BCL11B: variants seen among roughly 807,000 people sequenced by gnomAD.
The protein encoded by BCL11B is B-cell lymphoma/leukemia 11B.
BCL11B carries 8 observed loss-of-function variants against 49.9 expected under a neutral mutation model. The observed-to-expected ratio is 0.16, with a 90% CI of 0.09 to 0.29. BCL11B has a LOEUF of 0.29. Ranked by LOEUF, BCL11B falls within the 10% of genes least tolerant of loss-of-function variation. The pLI, the probability that BCL11B is intolerant of heterozygous loss-of-function variation, is 1.00. For missense variants in BCL11B, 1,006 were observed against 1,351.0 expected (o/e 0.74, Z 4.00); for synonymous variants, 739 against 637.4 (o/e 1.16, Z -2.40).
intron 1 of BCL11B, among the ~76,000 whole-genome samples, chr14:99,270,414 C>T (rs1350807958): frequency 1.3e-5 from 2 of 151,814 alleles, no homozygotes; most frequent in Non-Finnish European, 2.9e-5. Context: ...CCCCAATCCC[C>T]CCACCTTTTT....
intron 1 of BCL11B, among the ~76,000 whole-genome samples, chr14:99,269,839 G>A (rs1483903364): frequency 6.2e-5 from 8 of 128,744 alleles, no homozygotes; most frequent in African/African-American, 8.8e-5. Flanking sequence ...CCGCGGTCTC[G>A]ATGGCACCCA....
chr14:99,254,835 A>G (rs919603160), intron 2 of BCL11B, among the ~76,000 whole-genome samples: 2 of 152,198 alleles, frequency 1.3e-5, no homozygotes, highest in Non-Finnish European at 2.9e-5. Flanking sequence ...TAAAGACTCA[A>G]TTATCTCTGA....
chr14:99,247,305 C>T lies in BCL11B; in HGVS notation c.427+10166G>A, dbSNP rs1406959607. ...CACACTGTTTAGCTTTCTTAATTGG[C>T]TGGCTTTGAACTTGAGGTGGGAGGA... is the stretch of plus-strand genomic sequence containing the variant. On this transcript the variant is annotated intron_variant, in intron 2 of 3. Coordinates refer to ENST00000357195, the MANE Select transcript of BCL11B (RefSeq NM_138576.4). This position sits in a 1 kb window ranked among gnomAD's most constrained non-coding sequence, Gnocchi z 4.5. 9.8e-5 allele frequency among the ~76,000 whole-genome samples: 15 copies of T among 152,328 alleles called. No individual in the cohort carries two copies. The East Asian group carries it at 2.9e-3, about 29-fold the overall frequency.
rs751709691 is a variant in BCL11B, at chr14:99,231,336, G to A, written c.640+9C>T. On this transcript the variant is annotated intron_variant, in intron 3 of 3. Coordinates refer to ENST00000357195, the MANE Select transcript of BCL11B (RefSeq NM_138576.4). This position sits in a 1 kb window ranked among gnomAD's most constrained non-coding sequence, Gnocchi z 8.1. Reference sequence around the variant, plus strand: ...GGGGCCCGCCCCCCACCGCGGCGTCGTCTGTTACCTGACAACTGACACTGG... The same window carrying A: ...GGGGCCCGCCCCCCACCGCGGCGTCATCTGTTACCTGACAACTGACACTGG... 29 of 1,608,832 alleles carry A rather than the reference G, an allele frequency of 1.8e-5. No individual in the cohort carries two copies. Among genetic ancestry groups the A allele is most frequent in the African/African-American group, 9.4e-5 (7 of 74,736 alleles).
At chr14:99,254,413 C>T (rs777157915) in intron 2 of BCL11B, among the ~76,000 whole-genome samples, 3 of 152,306 alleles carry the variant, frequency 2.0e-5, no homozygotes, top group South Asian at 2.1e-4. Flanking sequence ...GAACCCCCTT[C>T]GGGTCTGCCT....
intron 3 of BCL11B, among the ~76,000 whole-genome samples, chr14:99,183,493 C>A (rs1886768242): frequency 6.6e-6 from 1 of 152,050 alleles, no homozygotes; most frequent in African/African-American, 2.4e-5. Context: ...TTCTCAGCCT[C>A]CTGCCAGCAC....
intron 1 of BCL11B, among the ~76,000 whole-genome samples, chr14:99,260,337 G>T (rs368233254): frequency 1.3e-5 from 2 of 152,156 alleles, no homozygotes; most frequent in African/African-American, 4.8e-5. Context: ...CAGCTGGACC[G>T]TCCTTTCTGA....
At chr14:99,235,044 C>G (rs372186428) in intron 2 of BCL11B, among the ~76,000 whole-genome samples, 5 of 152,140 alleles carry the variant, frequency 3.3e-5, no homozygotes, top group African/African-American at 1.2e-4. Flanking sequence ...CCGTTCCTCA[C>G]ACATGCGCAC....
intron 2 of BCL11B, among the ~76,000 whole-genome samples, chr14:99,233,035 AGGATGT>A (rs1247230546): frequency 2.0e-5 from 3 of 152,148 alleles, no homozygotes; most frequent in Non-Finnish European, 4.4e-5. Flanking sequence ...TAGCCCTGGA[AGGATGT>A]GGCTGAGGAA....
At position 99,257,275 on chromosome 14, in the gene BCL11B, C is replaced by T. The variant is rs752859100; in HGVS notation, c.427+196G>A. 6.6e-6 allele frequency among the ~76,000 whole-genome samples: 1 copy of T among 152,046 alleles called. No individual in the cohort carries two copies. The highest frequency in any genetic ancestry group is 1.5e-5 in the Non-Finnish European group (1 of 68,022). On this transcript the variant is annotated intron_variant, in intron 2 of 3. Coordinates refer to ENST00000357195, the MANE Select transcript of BCL11B (RefSeq NM_138576.4). This position sits in a 1 kb window ranked among gnomAD's most constrained non-coding sequence, Gnocchi z 6.2. ...GCAAGCAGCCATCAGCCATTTGGGC[C>T]TCCCCGAGCCCCAGGCCTGTCTCCT...
At chr14:99,229,567 C>G (rs958673309) in intron 3 of BCL11B, among the ~76,000 whole-genome samples, 2 of 152,198 alleles carry the variant, frequency 1.3e-5, no homozygotes, top group Admixed American at 6.5e-5. Flanking sequence ...AGCTCCTGGT[C>G]AGCACCATAC....
At position 99,228,070 on chromosome 14, in the gene BCL11B, C is replaced by T. The variant is rs1356102369; in HGVS notation, c.640+3275G>A. On this transcript the variant is annotated intron_variant, in intron 3 of 3. Coordinates refer to ENST00000357195, the MANE Select transcript of BCL11B (RefSeq NM_138576.4). The surrounding 1 kb of genome is among the most constrained non-coding windows in gnomAD (Gnocchi z 4.8). Reference sequence around the variant, plus strand: ...AATCACATCCTTCTATAAATAACTGCAGATGCGGTAACAGGCACGCAATTA... The same window carrying T: ...AATCACATCCTTCTATAAATAACTGTAGATGCGGTAACAGGCACGCAATTA... Among the ~76,000 whole-genome samples the T allele has an allele frequency of 1.3e-5, 2 of 152,276 alleles. No individual in the cohort carries two copies. The highest frequency in any genetic ancestry group is 6.5e-5 in the Admixed American group (1 of 15,304).
intron 3 of BCL11B, among the ~76,000 whole-genome samples, chr14:99,199,675 TGTGTGTGTGCGCGCGCGC>T (rs1887294604): frequency 1.2e-5 from 1 of 84,784 alleles, no homozygotes; most frequent in Non-Finnish European, 2.6e-5. Flanking sequence ...TGTGTGTGTG[TGTGTGTGTGCGCGCGCGC>T]GCGCACGTGC....
At chr14:99,200,145 C>T (rs1474806341) in intron 3 of BCL11B, among the ~76,000 whole-genome samples, 1 of 151,882 alleles carries the variant, frequency 6.6e-6, no homozygotes, top group African/African-American at 2.4e-5. Flanking sequence ...ACACACATCA[C>T]GGGTGCGCAG....
intron 3 of BCL11B, among the ~76,000 whole-genome samples, chr14:99,223,134 G>A (rs1191713007): frequency 5.3e-5 from 8 of 152,162 alleles, no homozygotes; most frequent in Non-Finnish European, 4.4e-5. Context: ...CTATCAATGG[G>A]AGTTAGAAGA....
chr14:99,218,655 C>T (rs929077966), intron 3 of BCL11B, among the ~76,000 whole-genome samples: 9 of 152,166 alleles, frequency 5.9e-5, no homozygotes, highest in African/African-American at 2.2e-4. Flanking sequence ...CTCAGTTCAC[C>T]GAGACCAGCT....
At position 99,189,011 on chromosome 14, in the gene BCL11B, G is replaced by A. The variant is rs371973285; in HGVS notation, c.641-12816C>T. Among the ~76,000 whole-genome samples, 8 of 152,352 alleles carry A rather than the reference G, an allele frequency of 5.3e-5. No homozygotes were observed. In the East Asian group the frequency reaches 1.2e-3, roughly 22 times the overall value. ...GGTATTTTACTCTCAATAAGAACTC[G>A]AGCTGAGTTTATTCAGAATATTTTA... On this transcript the variant is annotated intron_variant, in intron 3 of 3. Coordinates refer to ENST00000357195, the MANE Select transcript of BCL11B (RefSeq NM_138576.4).
intron 3 of BCL11B, among the ~76,000 whole-genome samples, chr14:99,196,597 C>T (rs1055923742): frequency 2.6e-5 from 4 of 152,218 alleles, no homozygotes; most frequent in African/African-American, 7.2e-5. Flanking sequence ...TGACCATTCC[C>T]TGTCTGCAGC....
intron 2 of BCL11B, among the ~76,000 whole-genome samples, chr14:99,256,185 G>A (rs1162577710): frequency 1.3e-5 from 2 of 152,132 alleles, no homozygotes; most frequent in Non-Finnish European, 2.9e-5. Flanking sequence ...TAGAAGCATC[G>A]AAAGCCTGAG....
Sources: gnomAD v4.1 joint callset for allele counts (sites outside exome capture counted in the v4.1 genomes callset) on GRCh38, gnomAD v4.1.1 for gene constraint, Gnocchi (gnomAD v3.1) non-coding constraint, MANE v1.5 for transcripts, NCBI Gene and HGNC (gene_info 2026-07-23, HGNC 2026-07-21) for gene names.